Variants in ASTN2 observed in about 807,000 individuals in gnomAD.
ASTN2 encodes the protein astrotactin 2.
ASTN2 carries 54 observed loss-of-function variants against 139.8 expected under a neutral mutation model. The ratio of observed to expected loss-of-function variants is 0.39; its 90% CI spans 0.31 to 0.48. The LOEUF (loss-of-function observed/expected upper bound fraction) is 0.48, where lower values mean the gene tolerates loss of function less well. ASTN2 is among the 20% of genes least tolerant of loss of function. The probability of loss-of-function intolerance (pLI) is 0.95; values close to 1 mark genes in which losing one functional copy is unlikely to be tolerated. For missense variants in ASTN2, 1,565 were observed against 1,725.1 expected (o/e 0.91, Z 1.64); for synonymous variants, 756 against 719.5 (o/e 1.05, Z -0.81).
chr9:117,380,597 C>CAAAAAA (rs1199618121), intron 1 of ASTN2, among the ~76,000 whole-genome samples: 10 of 92,636 alleles, frequency 1.1e-4, no homozygotes, highest in Non-Finnish European at 2.0e-4. Context: ...GAGCAAGACT[C>CAAAAAA]AAAAAAAAAA....
At chr9:117,217,119 G>A (rs1192997293) in intron 2 of ASTN2, among the ~76,000 whole-genome samples, 2 of 152,168 alleles carry the variant, frequency 1.3e-5, no homozygotes, top group Admixed American at 6.5e-5. Context: ...TAAAGAGAGG[G>A]AAGGGGAGGA....
At chr9:116,566,611 G>C (rs1853245796) in intron 19 of ASTN2, among the ~76,000 whole-genome samples, 1 of 152,184 alleles carries the variant, frequency 6.6e-6, no homozygotes, top group African/African-American at 2.4e-5. Flanking sequence ...CAGCGGAATT[G>C]ATTCACCATG....
At chr9:117,359,459 G>A (rs1359827803) in intron 1 of ASTN2, among the ~76,000 whole-genome samples, 1 of 152,198 alleles carries the variant, frequency 6.6e-6, no homozygotes, top group Non-Finnish European at 1.5e-5. Context: ...GTTGCATGCT[G>A]AGATAAGGCT....
At chr9:117,217,516 C>T (rs1194714376) in intron 2 of ASTN2, among the ~76,000 whole-genome samples, 1 of 152,190 alleles carries the variant, frequency 6.6e-6, no homozygotes, top group East Asian at 1.9e-4. Flanking sequence ...TGAGAGCCTT[C>T]CAGTAGTAAA....
intron 16 of ASTN2, among the ~76,000 whole-genome samples, chr9:116,707,729 G>GAATT (rs944868931): frequency 6.6e-6 from 1 of 152,106 alleles, no homozygotes; most frequent in African/African-American, 2.4e-5. Context: ...CCTAGGTTCC[G>GAATT]AATTAACTTT....
intron 5 of ASTN2, among the ~76,000 whole-genome samples, chr9:117,052,403 C>T (rs922399528): frequency 4.2e-5 from 6 of 142,964 alleles, no homozygotes; most frequent in Non-Finnish European, 9.0e-5. Context: ...CACCACTGCA[C>T]TCCAGCCTGG....
At chr9:117,174,284 A>G (rs1830866082) in intron 3 of ASTN2, among the ~76,000 whole-genome samples, 1 of 151,964 alleles carries the variant, frequency 6.6e-6, no homozygotes, top group South Asian at 2.1e-4. Flanking sequence ...TAAACAACAC[A>G]AGACAATATG....
At position 116,896,637 on chromosome 9, in the gene ASTN2, A is replaced by T. The variant is rs550091982; in HGVS notation, c.1890-32904T>A. Reference sequence around the variant, plus strand: ...CCCCTCCTAGACTGGGTAATTTATTAAAAAAGAGGTTTAATTGACTCACAG... The same window carrying T: ...CCCCTCCTAGACTGGGTAATTTATTTAAAAAGAGGTTTAATTGACTCACAG... On this transcript the variant is annotated intron_variant, in intron 10 of 22. Transcript: ENST00000313400. Among the ~76,000 whole-genome samples the T allele has an allele frequency of 7.2e-5, 11 of 152,270 alleles. No individual in the cohort carries two copies. In the South Asian group the frequency reaches 1.7e-3, roughly 23 times the overall value.
At chr9:116,856,837 T>C (rs1030218782) in intron 11 of ASTN2, among the ~76,000 whole-genome samples, 2 of 152,218 alleles carry the variant, frequency 1.3e-5, no homozygotes, top group East Asian at 1.9e-4. Context: ...GAGTGTGGGA[T>C]TGGTTTGAGA....
At chr9:117,192,304 C>T (rs1831370554) in intron 3 of ASTN2, among the ~76,000 whole-genome samples, 1 of 151,812 alleles carries the variant, frequency 6.6e-6, no homozygotes, top group East Asian at 1.9e-4. Context: ...GCCTTGTGAA[C>T]TCCACCATGT....
At chr9:117,043,179 G>GT (rs1401205680) in intron 5 of ASTN2, among the ~76,000 whole-genome samples, 1 of 152,082 alleles carries the variant, frequency 6.6e-6, no homozygotes, top group Non-Finnish European at 1.5e-5. Flanking sequence ...CCAGCATTGA[G>GT]TTTTTTATCT....
chr9:116,952,631 G>T (rs562049590), intron 10 of ASTN2, among the ~76,000 whole-genome samples: 19 of 152,298 alleles, frequency 1.2e-4, no homozygotes, highest in African/African-American at 3.4e-4. Context: ...TGCCGTCTTT[G>T]CAGAAATGAA....
chr9:116,931,123 C>T (rs189260052), intron 10 of ASTN2, among the ~76,000 whole-genome samples: 1 of 152,280 alleles, frequency 6.6e-6, no homozygotes, highest in East Asian at 1.9e-4. Context: ...TTTGTTTCAC[C>T]ATCTCTAGAA....
chr9:116,485,546 C>T (rs750091008), intron 20 of ASTN2, among the ~76,000 whole-genome samples: 2 of 152,212 alleles, frequency 1.3e-5, no homozygotes, highest in Non-Finnish European at 2.9e-5. Context: ...TGAGTGCTTA[C>T]TGCTTAAGAG....
At chr9:117,009,199 T>C (rs1237745252) in intron 6 of ASTN2, among the ~76,000 whole-genome samples, 1 of 152,158 alleles carries the variant, frequency 6.6e-6, no homozygotes, top group African/African-American at 2.4e-5. Context: ...TTTATTATTA[T>C]CAACCAATTT....
Position 117,312,196 on chromosome 9 carries a change from A to C in ASTN2, c.443-20683T>G, listed in dbSNP as rs1027563743. 2.6e-5 allele frequency among the ~76,000 whole-genome samples: 4 copies of C among 152,320 alleles called. No homozygotes were observed. The East Asian group carries it at 7.7e-4, about 29-fold the overall frequency. The stretch of plus-strand genomic sequence containing the variant: ...CTCTTGTTGCTAATATATTCAGGAA[A>C]ATTTTTCCAAAGAGTGGGAAAATGC... On this transcript the variant is annotated intron_variant, in intron 1 of 22. Coordinates refer to ENST00000313400, the MANE Select transcript of ASTN2 (RefSeq NM_001365068.1).
intron 1 of ASTN2, among the ~76,000 whole-genome samples, chr9:117,317,868 C>G (rs1041482687): frequency 1.3e-5 from 2 of 152,220 alleles, no homozygotes; most frequent in African/African-American, 4.8e-5. Flanking sequence ...CAGCTCTTAT[C>G]TGTCCACTCC....
In ASTN2 at chr9:117,291,597, A is replaced by G; in HGVS notation, c.443-84T>C. On this transcript the variant is annotated intron_variant, in intron 1 of 22. Transcript: ENST00000313400. ...GAGGAAAAGAGCCCACATAATCAGGAGCTCAGAAGGCATCCATTTTTTGCC... is the reference window on the plus strand; with the variant it reads ...GAGGAAAAGAGCCCACATAATCAGGGGCTCAGAAGGCATCCATTTTTTGCC... The G allele has an allele frequency of 1.5e-6, 2 of 1,307,954 alleles. 1 individual carries two copies. Among genetic ancestry groups the G allele is most frequent in the South Asian group, 2.9e-5 (2 of 68,298 alleles). The allele number at this position is 1,307,954 out of a possible 1,614,324, so 81.0% of individuals were successfully genotyped here.
At chr9:116,942,902 T>A (rs553744139) in intron 10 of ASTN2, among the ~76,000 whole-genome samples, 4 of 152,218 alleles carry the variant, frequency 2.6e-5, no homozygotes, top group African/African-American at 9.6e-5. Context: ...TGGGCAGTGA[T>A]AACTTAAAGC....
Sources: allele counts gnomAD v4.1 joint callset (sites outside exome capture counted in the v4.1 genomes callset), GRCh38; gene constraint gnomAD v4.1.1; transcripts MANE v1.5; gene names NCBI Gene and HGNC (gene_info 2026-07-23, HGNC 2026-07-21).